CACNB2: variants seen among roughly 807,000 people sequenced by gnomAD.
The protein encoded by CACNB2 is voltage-dependent L-type calcium channel subunit beta-2.
In CACNB2, 42 loss-of-function variants were observed where a neutral mutation model predicts 73.3. That is an observed-to-expected ratio of 0.57 (90% CI 0.45 to 0.74). CACNB2 has a LOEUF of 0.74. Ranked by LOEUF, CACNB2 falls within the 30% of genes least tolerant of loss-of-function variation. The pLI, the probability that CACNB2 is intolerant of heterozygous loss-of-function variation, is 0.00. For missense variants in CACNB2, 940 were observed against 853.0 expected (o/e 1.10, Z -1.27); for synonymous variants, 348 against 310.3 (o/e 1.12, Z -1.28).
intron 2 of CACNB2, among the ~76,000 whole-genome samples, chr10:18,364,514 G>C (rs1185375958): frequency 6.6e-6 from 1 of 151,682 alleles, no homozygotes; most frequent in African/African-American, 2.4e-5. Flanking sequence ...TAGCCAGGCT[G>C]GTCTCGAACT....
intron 3 of CACNB2, among the ~76,000 whole-genome samples, chr10:18,490,512 T>C (rs1397745498): frequency 6.6e-6 from 1 of 152,146 alleles, no homozygotes; most frequent in East Asian, 1.9e-4. Context: ...ACAAAACAAG[T>C]TGGCCAGGAA....
At chr10:18,163,386 G>C (rs2032613990) in intron 2 of CACNB2, among the ~76,000 whole-genome samples, 1 of 152,192 alleles carries the variant, frequency 6.6e-6, no homozygotes, top group Non-Finnish European at 1.5e-5. Flanking sequence ...TGGGCAACAA[G>C]AGACTTTTCA....
intron 3 of CACNB2, among the ~76,000 whole-genome samples, chr10:18,440,282 A>G (rs2132933208): frequency 6.6e-6 from 1 of 152,342 alleles, no homozygotes; most frequent in South Asian, 2.1e-4. Flanking sequence ...AGCCTTGGAG[A>G]TTAAGTTTCA....
At chr10:18,190,130 C>A (rs1054883135) in intron 2 of CACNB2, among the ~76,000 whole-genome samples, 2 of 152,134 alleles carry the variant, frequency 1.3e-5, no homozygotes, top group Non-Finnish European at 2.9e-5. Flanking sequence ...CCTTGAGACC[C>A]CTGGCTAAAT....
At chr10:18,409,602 C>A (rs896471319) in intron 3 of CACNB2, among the ~76,000 whole-genome samples, 3 of 152,230 alleles carry the variant, frequency 2.0e-5, no homozygotes, top group Non-Finnish European at 4.4e-5. Flanking sequence ...TTTTGATCAT[C>A]TATTCATAAT....
chr10:18,258,571 C>T (rs1193592316), intron 2 of CACNB2, among the ~76,000 whole-genome samples: 1 of 151,950 alleles, frequency 6.6e-6, no homozygotes, highest in African/African-American at 2.4e-5. Flanking sequence ...ACTAAAAATA[C>T]AAAAATTTAG....
At chr10:18,517,667 T>C (rs893719018) in intron 7 of CACNB2, among the ~76,000 whole-genome samples, 16 of 152,144 alleles carry the variant, frequency 1.1e-4, no homozygotes, top group African/African-American at 3.6e-4. Flanking sequence ...TACCAAGGTA[T>C]AGAAACCAAA....
At position 18,507,259 on chromosome 10, in the gene CACNB2, T is replaced by C. The variant is rs185937950; in HGVS notation, c.670+712T>C. Among the ~76,000 whole-genome samples the C allele has an allele frequency of 3.8e-3, 582 of 152,242 alleles. 3 individuals are homozygous for C. Among genetic ancestry groups the C allele is most frequent in the African/African-American group, 0.013 (557 of 41,548 alleles). ...TAAGGAACAGAGGGTAAAGTGAAGATAGAGGATTGGCCTGTTGTGGGCTCT... is the reference window on the plus strand; with the variant it reads ...TAAGGAACAGAGGGTAAAGTGAAGACAGAGGATTGGCCTGTTGTGGGCTCT... On this transcript the variant is annotated intron_variant, in intron 6 of 13. Coordinates refer to ENST00000324631, the MANE Select transcript of CACNB2 (RefSeq NM_201596.3).
chr10:18,446,927 T>C (rs2046763170), intron 3 of CACNB2, among the ~76,000 whole-genome samples: 1 of 152,038 alleles, frequency 6.6e-6, no homozygotes, highest in African/African-American at 2.4e-5. Flanking sequence ...GGTGTGATGG[T>C]GTGCACCTGT....
chr10:18,227,258 C>T (rs2036029077), intron 2 of CACNB2, among the ~76,000 whole-genome samples: 2 of 151,980 alleles, frequency 1.3e-5, no homozygotes, highest in South Asian at 4.2e-4. Flanking sequence ...AGAGGAGGAG[C>T]AGAAGCACAG....
intron 2 of CACNB2, among the ~76,000 whole-genome samples, chr10:18,234,919 A>G (rs1277755): frequency 0.95 from 144,147 of 151,848 alleles, 68,475 homozygotes; most frequent in East Asian, 1. Flanking sequence ...TGAGGCGGGC[A>G]GATCACGAGG....
At chr10:18,187,407 A>G (rs2131248545) in intron 2 of CACNB2, among the ~76,000 whole-genome samples, 1 of 152,320 alleles carries the variant, frequency 6.6e-6, no homozygotes, top group East Asian at 1.9e-4. Flanking sequence ...GATTTTGCTA[A>G]GATAAGCTAA....
At chr10:18,404,045 A>G (rs2044152367) in intron 3 of CACNB2, among the ~76,000 whole-genome samples, 1 of 152,208 alleles carries the variant, frequency 6.6e-6, no homozygotes, top group Non-Finnish European at 1.5e-5. Context: ...TCTCCAGGGT[A>G]TGCTTATTTC....
At chr10:18,528,301 C>T (rs1040749811) in intron 10 of CACNB2, among the ~76,000 whole-genome samples, 1 of 151,628 alleles carries the variant, frequency 6.6e-6, no homozygotes, top group Non-Finnish European at 1.5e-5. Flanking sequence ...ATTGTGTTTA[C>T]AGAGATGGTA....
chr10:18,519,198 G>C (rs2051589527), intron 9 of CACNB2, among the ~76,000 whole-genome samples: 1 of 151,972 alleles, frequency 6.6e-6, no homozygotes, highest in Admixed American at 6.6e-5. Context: ...GCTGACCTTG[G>C]GCAGGACACC....
chr10:18,200,562 T>G (rs2034836288), intron 2 of CACNB2, among the ~76,000 whole-genome samples: 1 of 152,070 alleles, frequency 6.6e-6, no homozygotes, highest in South Asian at 2.1e-4. Flanking sequence ...AAATGATCCA[T>G]TGTGTTCATT....
At chr10:18,152,757 A>G (rs2031707753) in intron 2 of CACNB2, among the ~76,000 whole-genome samples, 1 of 145,700 alleles carries the variant, frequency 6.9e-6, no homozygotes, top group Non-Finnish European at 1.5e-5. Flanking sequence ...CTAGCTCCTT[A>G]GTGTGCATAG....
intron 3 of CACNB2, among the ~76,000 whole-genome samples, chr10:18,471,539 G>T (rs766363028): frequency 6.6e-6 from 1 of 152,138 alleles, no homozygotes; most frequent in Admixed American, 6.6e-5. Flanking sequence ...TTGTGAAACT[G>T]CCCATGGTTT....
chr10:18,525,486 G>T (rs1229789501), intron 9 of CACNB2, among the ~76,000 whole-genome samples: 1 of 151,974 alleles, frequency 6.6e-6, no homozygotes, highest in Admixed American at 6.6e-5. Flanking sequence ...GGCTTCCATT[G>T]TTGCTTTGAG....
Sources: allele counts gnomAD v4.1 joint callset (sites outside exome capture counted in the v4.1 genomes callset), GRCh38; gene constraint gnomAD v4.1.1; transcripts MANE v1.5; gene names NCBI Gene and HGNC (gene_info 2026-07-23, HGNC 2026-07-21).